The following ATP2B2 variants were observed in gnomAD, a reference collection of about 807,000 sequenced individuals.
ATP2B2 encodes ATPase plasma membrane Ca2+ transporting 2.
In ATP2B2, 15 loss-of-function variants were observed where a neutral mutation model predicts 120.0. The observed-to-expected ratio is 0.12, with a 90% CI of 0.08 to 0.19. The LOEUF (loss-of-function observed/expected upper bound fraction) is 0.19, where lower values mean the gene tolerates loss of function less well. ATP2B2 is among the 10% of genes least tolerant of loss of function. The probability of loss-of-function intolerance (pLI) is 1.00; values close to 1 mark genes in which losing one functional copy is unlikely to be tolerated. For synonymous variants in ATP2B2, 694 were observed against 700.3 expected, an observed-to-expected ratio of 0.99 and a Z score of 0.14; for missense variants, 1,045 against 1,719.8, an observed-to-expected ratio of 0.61 and a Z score of 6.94.
chr3:10,539,745 A>G (rs2067393043), intron 2 of ATP2B2, among the ~76,000 whole-genome samples: 1 of 152,224 alleles, frequency 6.6e-6, no homozygotes, highest in Non-Finnish European at 1.5e-5. Flanking sequence ...TAAATGTTAG[A>G]CCTAAAAACC....
upstream of ATP2B2, chr3:10,505,779 G>A (rs1258530868): frequency 1.4e-5 from 2 of 143,996 alleles, no homozygotes; most frequent in Non-Finnish European, 3.1e-5. Flanking sequence ...AGGGGGCACG[G>A]GGGAGGAGAG....
chr3:10,418,490 G>A (rs34918), intron 2 of ATP2B2, among the ~76,000 whole-genome samples: 28,877 of 152,112 alleles, frequency 0.19, 3,370 homozygotes, highest in East Asian at 0.38. Flanking sequence ...CTCACACTGA[G>A]AGGCTGGGCT....
intron 14 of ATP2B2, among the ~76,000 whole-genome samples, chr3:10,351,466 C>T (rs1474639468): frequency 6.6e-6 from 1 of 152,362 alleles, no homozygotes; most frequent in Non-Finnish European, 1.5e-5. Context: ...GGGAGGACCA[C>T]AGCCTGTTAG....
intron 16 of ATP2B2, 91 bp downstream of exon 16, chr3:10,350,021 C>G (rs2060532935): frequency 7.4e-7 from 1 of 1,348,600 alleles, no homozygotes; most frequent in Non-Finnish European, 1.0e-6. Context: ...CCCTTCCCTT[C>G]TGGGAAGAAG....
chr3:10,486,045 G>A (rs577670105), intron 1 of ATP2B2, among the ~76,000 whole-genome samples: 2 of 152,326 alleles, frequency 1.3e-5, no homozygotes, highest in African/African-American at 4.8e-5. Flanking sequence ...ACCCAAGTCA[G>A]GTGCCGGGAC....
chr3:10,426,834 C>T (rs961453647), intron 2 of ATP2B2, among the ~76,000 whole-genome samples: 3 of 119,898 alleles, frequency 2.5e-5, no homozygotes, highest in Non-Finnish European at 4.7e-5. Flanking sequence ...GATTCCTCCT[C>T]AGGGAGAAAG....
intron 3 of ATP2B2, chr3:10,533,895 CAT>C (rs2067258062): frequency 6.6e-6 from 1 of 152,266 alleles, no homozygotes; most frequent in African/African-American, 2.4e-5. Context: ...AAATAATACA[CAT>C]GTCCCCAATA....
At chr3:10,489,078 T>C (rs1038638367) in intron 1 of ATP2B2, among the ~76,000 whole-genome samples, 1 of 152,214 alleles carries the variant, frequency 6.6e-6, no homozygotes, top group Non-Finnish European at 1.5e-5. Flanking sequence ...CATGTCCCCA[T>C]GTCAGGGCCT....
rs1238434089 is a variant in ATP2B2, at chr3:10,327,317, A to G, written c.*1497T>C. The G allele has an allele frequency of 6.5e-6, 1 of 153,566 alleles. No homozygotes were observed. Among genetic ancestry groups the G allele is most frequent in the African/African-American group, 2.4e-5 (1 of 41,512 alleles). 9.5% of individuals were successfully genotyped at this position (153,566 alleles called of 1,614,324 possible). On this transcript the variant is annotated 3_prime_UTR_variant, in exon 23 of 23. Coordinates refer to ENST00000360273, the MANE Select transcript of ATP2B2 (RefSeq NM_001001331.4). ...GCAAGACTTGCTGTTAAAAGGCTAC[A>G]GTATATATTGTGACTACAGGAAGAC...
intron 1 of ATP2B2, among the ~76,000 whole-genome samples, chr3:10,462,804 T>G (rs1247715801): frequency 6.6e-6 from 1 of 152,104 alleles, no homozygotes; most frequent in Non-Finnish European, 1.5e-5. Flanking sequence ...GAAAACATAT[T>G]CGTGACTACA....
chr3:10,359,922 G>A lies in ATP2B2; in HGVS notation c.1861C>T (p.Arg621Cys), dbSNP rs757018981. Residue 621 changes from arginine to cysteine, a missense_variant, in exon 13 of 23, where the codon CGC becomes TGC. Around this residue, in one of 11 missense-constraint regions of ATP2B2, gnomAD observed 343 missense variants for 536.8 expected, o/e 0.64. Transcript: ENST00000360273. ...TCAGAAGCCCCCTTGCTGTACATGC[G>A]GAAGCTCTCGTCGGGCAGCTTGATG... ...TVIKLPDESF[R>C]MYSKGASEIV... 6.2e-7 allele frequency: 1 copy of A among 1,614,212 alleles called. No individual in the cohort carries two copies. The highest frequency in any genetic ancestry group is 8.5e-7 in the Non-Finnish European group (1 of 1,180,026).
chr3:10,359,875 C>A lies in ATP2B2; in HGVS notation c.1901+7G>T. On this transcript the variant is annotated splice_region_variant and intron_variant, in intron 13 of 22. Transcript: ENST00000360273. ...CCCTCAGCCCCGGTGCCCTGCCCAGCGCTTACTTCTTGAGCACGATCTCAG... is the reference window on the plus strand; with the variant it reads ...CCCTCAGCCCCGGTGCCCTGCCCAGAGCTTACTTCTTGAGCACGATCTCAG... 1 of 1,614,180 alleles carries A rather than the reference C, an allele frequency of 6.2e-7. No homozygotes were observed. Among genetic ancestry groups the A allele is most frequent in the Non-Finnish European group, 8.5e-7 (1 of 1,180,022 alleles).
At chr3:10,383,022 G>C (rs985105269) in intron 8 of ATP2B2, among the ~76,000 whole-genome samples, 4 of 150,966 alleles carry the variant, frequency 2.6e-5, no homozygotes, top group Non-Finnish European at 4.4e-5. Flanking sequence ...CAGTTGGTCT[G>C]GGGTGGGGTC....
intron 8 of ATP2B2, among the ~76,000 whole-genome samples, chr3:10,379,505 C>T (rs2061472717): frequency 6.6e-6 from 1 of 152,186 alleles, no homozygotes; most frequent in Admixed American, 6.5e-5. Flanking sequence ...ACTCTTGATT[C>T]TCCAGGGGAC....
intron 2 of ATP2B2, among the ~76,000 whole-genome samples, chr3:10,425,217 G>A (rs2063110260): frequency 6.6e-6 from 1 of 152,004 alleles, no homozygotes; most frequent in Non-Finnish European, 1.5e-5. Flanking sequence ...GGCTGAGGAA[G>A]GAGAATCACT....
chr3:10,345,869 G>A (rs572366962), intron 17 of ATP2B2, among the ~76,000 whole-genome samples, 162 bp downstream of exon 17: 2 of 152,322 alleles, frequency 1.3e-5, no homozygotes, highest in Non-Finnish European at 1.5e-5. Context: ...TGCCTTTCCA[G>A]GAAGACCTCG....
At chr3:10,336,225 G>A in intron 22 of ATP2B2, 1 of 1,550,620 alleles carries the variant, frequency 6.4e-7, no homozygotes, top group Non-Finnish European at 8.7e-7. Flanking sequence ...TCCTGGCTCT[G>A]GCTGGTGACC....
chr3:10,562,443 C>A (rs1187010413), intron 2 of ATP2B2, among the ~76,000 whole-genome samples: 2 of 152,116 alleles, frequency 1.3e-5, no homozygotes, highest in Admixed American at 1.3e-4. Context: ...GGGCTTCTGC[C>A]TCATTTTCCC....
At chr3:10,514,001 C>T (rs1191464106) in intron 3 of ATP2B2, among the ~76,000 whole-genome samples, 1 of 152,188 alleles carries the variant, frequency 6.6e-6, no homozygotes, top group African/African-American at 2.4e-5. Flanking sequence ...ATATTACATG[C>T]CAGGTTCTGT....
Sources: allele counts gnomAD v4.1 joint callset (sites outside exome capture counted in the v4.1 genomes callset), GRCh38; gene constraint gnomAD v4.1.1; regional missense constraint gnomAD v4.1.1; transcripts MANE v1.5; gene names NCBI Gene and HGNC (gene_info 2026-07-23, HGNC 2026-07-21).